MTUS1: variants seen among roughly 807,000 people sequenced by gnomAD.
MTUS1 encodes microtubule associated scaffold protein 1.
MTUS1 carries 109 observed loss-of-function variants against 120.8 expected under a neutral mutation model. That is an observed-to-expected ratio of 0.90 (90% CI 0.77 to 1.06). The LOEUF is 1.06. Among genes scored for constraint, MTUS1 ranks in the 50% least tolerant of loss-of-function variants. MTUS1 has a pLI of 0.00. For synonymous variants in MTUS1, 737 were observed against 550.5 expected (o/e 1.34, Z -4.74); for missense variants, 2,210 against 1,486.3 (o/e 1.49, Z -8.01).
At chr8:17,669,032 T>TG (rs1811477759) in intron 8 of MTUS1, among the ~76,000 whole-genome samples, 1 of 152,234 alleles carries the variant, frequency 6.6e-6, no homozygotes, top group South Asian at 2.1e-4. Context: ...TCTAAGCACC[T>TG]GCTAAGTGCC....
chr8:17,700,656 T>C (rs1316840194), intron 6 of MTUS1, among the ~76,000 whole-genome samples: 1 of 151,926 alleles, frequency 6.6e-6, no homozygotes, highest in Non-Finnish European at 1.5e-5. Flanking sequence ...AGGATTTCTA[T>C]TTTTTCTTTA....
chr8:17,700,226 G>A (rs1223301824), intron 6 of MTUS1, among the ~76,000 whole-genome samples: 1 of 151,924 alleles, frequency 6.6e-6, no homozygotes, highest in Non-Finnish European at 1.5e-5. Flanking sequence ...TCAGCACTTT[G>A]GGAGGCCAAG....
chr8:17,662,639 C>T (rs1204955507), intron 8 of MTUS1, among the ~76,000 whole-genome samples: 1 of 151,980 alleles, frequency 6.6e-6, no homozygotes, highest in East Asian at 1.9e-4. Flanking sequence ...CAGGTGTGAG[C>T]CACTGTGCCT....
chr8:17,676,201 T>C (rs368927208), intron 7 of MTUS1: 2 of 700,368 alleles, frequency 2.9e-6, no homozygotes, highest in Admixed American at 2.0e-5. Context: ...CAAAGCATTT[T>C]CCCTGAATTC....
chr8:17,689,848 A>C (rs1283214770), intron 6 of MTUS1, among the ~76,000 whole-genome samples: 2 of 151,014 alleles, frequency 1.3e-5, no homozygotes, highest in African/African-American at 4.9e-5. Context: ...CTGGAGACCT[A>C]TCTCTTATCA....
chr8:17,655,781 A>T, intron 9 of MTUS1, 82 bp downstream of exon 9: 1 of 1,168,418 alleles, frequency 8.6e-7, no homozygotes, highest in Non-Finnish European at 1.3e-6. Context: ...AAAAAAGAGA[A>T]GCTCATCAAG....
upstream of MTUS1, chr8:17,801,341 C>T (rs1419695373): frequency 6.6e-6 from 1 of 151,862 alleles, no homozygotes; most frequent in African/African-American, 2.4e-5. Flanking sequence ...GGCCTCCCGC[C>T]CCAACCCGGG....
chr8:17,679,556 C>T (rs984594389), intron 7 of MTUS1, among the ~76,000 whole-genome samples: 19 of 151,622 alleles, frequency 1.3e-4, no homozygotes, highest in Non-Finnish European at 2.1e-4. Context: ...GGCTGGAGTG[C>T]GGTGGTGCGA....
intron 3 of MTUS1, among the ~76,000 whole-genome samples, chr8:17,740,008 C>G (rs1233821900): frequency 1.3e-5 from 2 of 152,148 alleles, no homozygotes; most frequent in Non-Finnish European, 2.9e-5. Flanking sequence ...AAGTTCGAGA[C>G]CGGCCTGGCC....
chr8:17,677,488 A>G (rs1202136696), intron 7 of MTUS1, among the ~76,000 whole-genome samples: 1 of 152,228 alleles, frequency 6.6e-6, no homozygotes, highest in Admixed American at 6.5e-5. Flanking sequence ...TAATGGGAGG[A>G]TGAAAGAAAT....
At chr8:17,787,914 G>C (rs191347131) in intron 1 of MTUS1, among the ~76,000 whole-genome samples, 75 of 152,342 alleles carry the variant, frequency 4.9e-4, no homozygotes, top group African/African-American at 1.7e-3. Flanking sequence ...TGAGTAAGGA[G>C]TTCAAGACCA....
intron 6 of MTUS1, among the ~76,000 whole-genome samples, chr8:17,699,857 ATTTAAATAACTGGATAAGCAATTAC>A (rs1317478803): frequency 6.6e-6 from 1 of 152,202 alleles, no homozygotes; most frequent in African/African-American, 2.4e-5. Flanking sequence ...ACGTTTGCTC[ATTTAAATAACTGGATAAGCAATTAC>A]TTTCAGGTCA....
chr8:17,649,190 G>C (rs994268862), intron 13 of MTUS1, among the ~76,000 whole-genome samples: 17 of 151,798 alleles, frequency 1.1e-4, no homozygotes, highest in Non-Finnish European at 1.9e-4. Flanking sequence ...CCCAGTACTT[G>C]GGATTACAGG....
At chr8:17,666,010 C>T (rs761681310) in intron 8 of MTUS1, among the ~76,000 whole-genome samples, 3 of 152,042 alleles carry the variant, frequency 2.0e-5, no homozygotes, top group African/African-American at 4.8e-5. Context: ...TGTTCCTCCT[C>T]CCACCCTTGA....
chr8:17,674,874 T>G (rs765312371), intron 8 of MTUS1: 6 of 1,159,766 alleles, frequency 5.2e-6, no homozygotes, highest in Non-Finnish European at 6.4e-6. Flanking sequence ...GAAAAAAAAA[T>G]GACAACATTA....
chr8:17,699,066 A>C (rs1173785896), intron 6 of MTUS1, among the ~76,000 whole-genome samples: 1 of 152,310 alleles, frequency 6.6e-6, no homozygotes, highest in South Asian at 2.1e-4. Flanking sequence ...ACCAATCAGC[A>C]TTAAAAACAA....
chr8:17,792,035 A>T (rs911882088), intron 1 of MTUS1, among the ~76,000 whole-genome samples: 2 of 152,160 alleles, frequency 1.3e-5, no homozygotes, highest in African/African-American at 4.8e-5. Flanking sequence ...GGAAAATCTC[A>T]GACATGAACC....
intron 7 of MTUS1, among the ~76,000 whole-genome samples, chr8:17,683,096 C>T (rs1032281985): frequency 1.3e-5 from 2 of 152,130 alleles, no homozygotes; most frequent in African/African-American, 4.8e-5. Flanking sequence ...CACAGTGAAA[C>T]CCCGTCTCTA....
intron 6 of MTUS1, 45 bp from the exon 7 acceptor site, chr8:17,684,587 T>A: frequency 1.4e-6 from 2 of 1,472,910 alleles, no homozygotes; most frequent in Non-Finnish European, 1.9e-6. Flanking sequence ...TGAGGTTAAT[T>A]TTTAAAATCA....
Sources: allele counts gnomAD v4.1 joint callset (sites outside exome capture counted in the v4.1 genomes callset), GRCh38; gene constraint gnomAD v4.1.1; transcripts MANE v1.5; gene names NCBI Gene and HGNC (gene_info 2026-07-23, HGNC 2026-07-21).